ARIH2: variants seen among roughly 807,000 people sequenced by gnomAD.
ARIH2 encodes the protein ariadne RBR E3 ubiquitin protein ligase 2, also known as E3 ubiquitin-protein ligase ARIH2.
Under a neutral mutation model 79.8 loss-of-function variants are expected in ARIH2, and 12 were observed. That is an observed-to-expected ratio of 0.15 (90% CI 0.10 to 0.24). ARIH2 has a LOEUF of 0.24. Ranked by LOEUF, ARIH2 falls within the 10% of genes least tolerant of loss-of-function variation. ARIH2 has a pLI of 1.00. For synonymous variants in ARIH2, 224 were observed against 213.9 expected (o/e 1.05, Z -0.41); for missense variants, 301 against 618.3 (o/e 0.49, Z 5.44).
chr3:48,929,820 G>A (rs1422136190), intron 3 of ARIH2, among the ~76,000 whole-genome samples: 1 of 152,130 alleles, frequency 6.6e-6, no homozygotes, highest in Non-Finnish European at 1.5e-5. Flanking sequence ...TGCTGCTGTG[G>A]GTGTGAGCTA....
Position 48,975,972 on chromosome 3 carries a change from G to A in ARIH2, c.961+993G>A, listed in dbSNP as rs894830213. Among the ~76,000 whole-genome samples, 23 of 152,080 alleles carry A rather than the reference G, an allele frequency of 1.5e-4. No individual in the cohort carries two copies. In the East Asian group the frequency reaches 4.3e-3, roughly 28 times the overall value. On this transcript the variant is annotated intron_variant, in intron 11 of 15. Coordinates refer to ENST00000356401, the MANE Select transcript of ARIH2 (RefSeq NM_006321.4). ...GTCGCCCAGGCTGGAGTGCAGTGGT[G>A]TGATCTTGGCTGACTGCAACCTCCA...
intron 8 of ARIH2, among the ~76,000 whole-genome samples, chr3:48,972,911 C>T (rs1426740731): frequency 6.6e-6 from 1 of 152,100 alleles, no homozygotes; most frequent in Non-Finnish European, 1.5e-5. Flanking sequence ...GATGGGATCT[C>T]ACCATATTGC....
intron 3 of ARIH2, among the ~76,000 whole-genome samples, chr3:48,959,938 G>A (rs1457443603): frequency 6.6e-6 from 1 of 152,224 alleles, no homozygotes; most frequent in African/African-American, 2.4e-5. Flanking sequence ...ATCATGTGGT[G>A]TTCACTGTGT....
At chr3:48,953,583 A>T (rs920103770) in intron 3 of ARIH2, among the ~76,000 whole-genome samples, 7 of 151,736 alleles carry the variant, frequency 4.6e-5, no homozygotes, top group Non-Finnish European at 1.0e-4. Context: ...TTGTATTTTT[A>T]GTAGAGACGG....
intron 7 of ARIH2, 96 bp from the exon 8 acceptor site, chr3:48,970,499 C>T (rs2092158873): frequency 1.2e-6 from 1 of 809,076 alleles, no homozygotes; most frequent in Non-Finnish European, 2.1e-6. Flanking sequence ...AAGTCATCAG[C>T]TGGGAGAACA....
At chr3:48,947,816 T>A (rs2089401962) in intron 3 of ARIH2, among the ~76,000 whole-genome samples, 1 of 152,246 alleles carries the variant, frequency 6.6e-6, no homozygotes, top group South Asian at 2.1e-4. Flanking sequence ...CTATACCATC[T>A]AGATTATATA....
At chr3:48,956,669 CGT>C (rs10591265) in intron 3 of ARIH2, among the ~76,000 whole-genome samples, 17 of 147,672 alleles carry the variant, frequency 1.2e-4, no homozygotes, top group African/African-American at 1.5e-4. Context: ...ATACAGCTGA[CGT>C]GTGTGTGTGT....
chr3:48,941,341 T>C (rs932930121), intron 3 of ARIH2, among the ~76,000 whole-genome samples: 4 of 152,148 alleles, frequency 2.6e-5, no homozygotes, highest in African/African-American at 9.7e-5. Context: ...GTGCTTTATA[T>C]ATCAAAAAGT....
At chr3:48,965,850 A>G (rs896446605) in intron 5 of ARIH2, among the ~76,000 whole-genome samples, 6 of 152,032 alleles carry the variant, frequency 3.9e-5, no homozygotes, top group African/African-American at 1.2e-4. Context: ...AATCCTAGCT[A>G]CTTGGGAGGC....
intron 3 of ARIH2, among the ~76,000 whole-genome samples, chr3:48,959,614 T>G: frequency 9.7e-6 from 1 of 103,390 alleles, no homozygotes. Flanking sequence ...CCATTCTGGC[T>G]AACATGGTGA....
rs571354281 is a variant in ARIH2 at position 48,939,771 on chromosome 3, A to AC, written c.255+11958_255+11959insC. Among the ~76,000 whole-genome samples, 309 of 143,898 alleles carry AC rather than the reference A, an allele frequency of 2.1e-3. 3 individuals carry two copies. Among genetic ancestry groups the AC allele is most frequent in the African/African-American group, 8.3e-3 (294 of 35,236 alleles). The allele number at this position is 143,898 out of a possible 152,430, so 94.4% of individuals were successfully genotyped here. On this transcript the variant is annotated intron_variant, in intron 3 of 15. Transcript: ENST00000356401. ...AGACTCCATCTCAAAAAAAAAAAAAAAAAAACAAAAACAAAAAAACAAAAA... is the reference window on the plus strand; with the variant it reads ...AGACTCCATCTCAAAAAAAAAAAAAACAAAAACAAAAACAAAAAAACAAAAA...
intron 3 of ARIH2, among the ~76,000 whole-genome samples, chr3:48,938,770 G>A (rs781575976): frequency 3.9e-5 from 6 of 151,960 alleles, no homozygotes; most frequent in Non-Finnish European, 7.4e-5. Context: ...CAAAATGTAA[G>A]CCAGTTTATC....
At chr3:48,954,230 C>T (rs997220118) in intron 3 of ARIH2, among the ~76,000 whole-genome samples, 2 of 151,776 alleles carry the variant, frequency 1.3e-5, no homozygotes, top group Non-Finnish European at 2.9e-5. Flanking sequence ...CCGAGGCAGG[C>T]GGATCACAAG....
chr3:48,944,375 AGGTCTTTGGTTTTTTT>A (rs2088810914), intron 3 of ARIH2, among the ~76,000 whole-genome samples: 1 of 152,096 alleles, frequency 6.6e-6, no homozygotes, highest in Non-Finnish European at 1.5e-5. Flanking sequence ...ATATTGAGTG[AGGTCTTTGGTTTTTTT>A]GGTATTGATT....
chr3:48,964,481 A>G (rs2091585584), intron 4 of ARIH2, among the ~76,000 whole-genome samples: 1 of 149,470 alleles, frequency 6.7e-6, no homozygotes. Flanking sequence ...ATGCCCAGCT[A>G]ATTTTTGTAT....
intron 3 of ARIH2, among the ~76,000 whole-genome samples, chr3:48,960,879 G>A (rs2091176799): frequency 6.6e-6 from 1 of 152,050 alleles, no homozygotes; most frequent in African/African-American, 2.4e-5. Flanking sequence ...GGATATTTAG[G>A]TTATTTCTAA....
chr3:48,927,585 G>A lies in ARIH2; in HGVS notation c.27G>A (p.Gly9=), dbSNP rs140350466. 3 of 1,613,998 alleles carry A rather than the reference G, an allele frequency of 1.9e-6. No homozygotes were observed. The highest frequency in any genetic ancestry group is 1.3e-5 in the African/African-American group (1 of 74,916). Residue 9 remains glycine, a synonymous_variant, in exon 3 of 16, where the codon GGG becomes GGA. Transcript: ENST00000356401. ...TGTCAGTGGACATGAATAGCCAGGGGTCTGACAGCAATGAAGAGGACTATG... is the reference window on the plus strand; with the variant it reads ...TGTCAGTGGACATGAATAGCCAGGGATCTGACAGCAATGAAGAGGACTATG... The part of the protein sequence containing the change: MSVDMNSQ[G]SDSNEEDYDP...
intron 3 of ARIH2, among the ~76,000 whole-genome samples, chr3:48,941,593 C>CTTTTTTT (rs1421452514): frequency 2.2e-5 from 3 of 135,652 alleles, no homozygotes; most frequent in African/African-American, 5.3e-5. Context: ...CTTTTCTTTT[C>CTTTTTTT]TTTTTTTTTT....
At chr3:48,970,339 G>C (rs1252190085) in intron 7 of ARIH2, among the ~76,000 whole-genome samples, 1 of 152,190 alleles carries the variant, frequency 6.6e-6, no homozygotes, top group African/African-American at 2.4e-5. Context: ...CTATAGGCAG[G>C]AGCCACTATG....
Sources: allele counts gnomAD v4.1 joint callset (sites outside exome capture counted in the v4.1 genomes callset), GRCh38; gene constraint gnomAD v4.1.1; transcripts MANE v1.5; gene names NCBI Gene and HGNC (gene_info 2026-07-23, HGNC 2026-07-21).